FSTL5: variants seen among roughly 807,000 people sequenced by gnomAD.
The protein encoded by FSTL5 is follistatin like 5, also known as follistatin-related protein 5.
Under a neutral mutation model 89.1 loss-of-function variants are expected in FSTL5, and 62 were observed. The observed-to-expected ratio is 0.70, with a 90% CI of 0.57 to 0.86. FSTL5 has a LOEUF of 0.86. Ranked by LOEUF, FSTL5 falls within the 40% of genes least tolerant of loss-of-function variation. FSTL5 has a pLI of 0.00. For synonymous variants in FSTL5, 383 were observed against 346.2 expected (o/e 1.11, Z -1.18); for missense variants, 1,057 against 1,001.6 (o/e 1.06, Z -0.75).
intron 15 of FSTL5, among the ~76,000 whole-genome samples, chr4:161,427,108 AG>A (rs1284827288): frequency 5.3e-5 from 8 of 152,238 alleles, no homozygotes; most frequent in African/African-American, 1.9e-4. Flanking sequence ...TCATAATAGA[AG>A]GCAACTTTAC....
chr4:161,888,887 TCTTC>T (rs2110743596), intron 4 of FSTL5, among the ~76,000 whole-genome samples: 1 of 152,214 alleles, frequency 6.6e-6, no homozygotes, highest in African/African-American at 2.4e-5. Flanking sequence ...ACTCAGGATT[TCTTC>T]GTGAGTCATC....
chr4:162,140,819 G>A (rs1160864326), intron 1 of FSTL5, among the ~76,000 whole-genome samples: 4 of 152,122 alleles, frequency 2.6e-5, no homozygotes. Flanking sequence ...AGAATTGCTG[G>A]AGAATCTGAT....
chr4:161,609,358 C>A (rs1015427100), intron 7 of FSTL5, among the ~76,000 whole-genome samples: 2 of 151,984 alleles, frequency 1.3e-5, no homozygotes, highest in African/African-American at 4.8e-5. Flanking sequence ...TAAGTTTTGC[C>A]ATTTAGATTT....
chr4:161,571,010 G>A (rs548463261), intron 8 of FSTL5, among the ~76,000 whole-genome samples: 49 of 152,098 alleles, frequency 3.2e-4, no homozygotes, highest in African/African-American at 1.1e-3. Flanking sequence ...GCTACTACTC[G>A]GGAGGCTGAG....
chr4:161,730,780 G>A (rs1739580771), intron 6 of FSTL5, among the ~76,000 whole-genome samples: 1 of 152,138 alleles, frequency 6.6e-6, no homozygotes, highest in Non-Finnish European at 1.5e-5. Context: ...AATATTTAAA[G>A]CATAGAGATT....
intron 15 of FSTL5, among the ~76,000 whole-genome samples, chr4:161,409,159 G>C (rs567781380): frequency 9.9e-5 from 15 of 152,242 alleles, no homozygotes; most frequent in Admixed American, 2.0e-4. Flanking sequence ...AAGGCAGCTA[G>C]AGAGAAAGGC....
intron 7 of FSTL5, among the ~76,000 whole-genome samples, chr4:161,591,093 A>T (rs1394673361): frequency 6.6e-6 from 1 of 152,246 alleles, no homozygotes; most frequent in East Asian, 1.9e-4. Flanking sequence ...ATTATTTGAC[A>T]ATAAAAAGGA....
At chr4:161,575,359 T>G (rs1216093254) in intron 8 of FSTL5, among the ~76,000 whole-genome samples, 2 of 152,240 alleles carry the variant, frequency 1.3e-5, no homozygotes, top group African/African-American at 2.4e-5. Flanking sequence ...TAGATCTCTA[T>G]GTCAATTTTG....
chr4:161,698,268 T>C (rs1249824996), intron 6 of FSTL5, among the ~76,000 whole-genome samples: 3 of 152,100 alleles, frequency 2.0e-5, no homozygotes, highest in Non-Finnish European at 4.4e-5. Context: ...ATGTGAGAAA[T>C]AAATGTTTGT....
At chr4:161,956,749 C>T (rs552818765) in intron 3 of FSTL5, among the ~76,000 whole-genome samples, 9 of 151,854 alleles carry the variant, frequency 5.9e-5, no homozygotes, top group African/African-American at 1.2e-4. Context: ...AAAATATATA[C>T]GAAATAATGC....
chr4:161,791,341 C>T (rs1237465934), intron 4 of FSTL5, among the ~76,000 whole-genome samples: 3 of 152,120 alleles, frequency 2.0e-5, no homozygotes, highest in Non-Finnish European at 2.9e-5. Context: ...GTTTATTAGA[C>T]ATATTGGTAA....
intron 4 of FSTL5, among the ~76,000 whole-genome samples, chr4:161,799,303 G>A (rs1000426303): frequency 4.6e-5 from 7 of 151,648 alleles, no homozygotes; most frequent in African/African-American, 9.6e-5. Flanking sequence ...AGCACACCAC[G>A]GTAGTGATGA....
chr4:161,905,289 AT>A (rs1432809594), intron 4 of FSTL5, among the ~76,000 whole-genome samples: 1 of 152,166 alleles, frequency 6.6e-6, no homozygotes, highest in African/African-American at 2.4e-5. Context: ...TTGCTTAACC[AT>A]AGACTATATC....
At chr4:161,420,607 A>T (rs2126311040) in intron 15 of FSTL5, among the ~76,000 whole-genome samples, 1 of 151,966 alleles carries the variant, frequency 6.6e-6, no homozygotes, top group East Asian at 1.9e-4. Context: ...ATACCTGATA[A>T]TAAATCTCTT....
intron 10 of FSTL5, among the ~76,000 whole-genome samples, chr4:161,535,453 A>G (rs1224912080): frequency 6.6e-6 from 1 of 152,130 alleles, no homozygotes; most frequent in African/African-American, 2.4e-5. Flanking sequence ...AAGCCATACA[A>G]ATGGTCAGCA....
chr4:161,477,932 G>A (rs1729352428), intron 13 of FSTL5, among the ~76,000 whole-genome samples: 1 of 151,914 alleles, frequency 6.6e-6, no homozygotes. Flanking sequence ...AACTTAGCAG[G>A]AATGTATAGA....
chr4:161,569,766 C>G (rs767773282), intron 8 of FSTL5, among the ~76,000 whole-genome samples: 3 of 44,510 alleles, frequency 6.7e-5, no homozygotes, highest in Non-Finnish European at 1.7e-4. Flanking sequence ...CAAACACACA[C>G]ACACACACAC....
At chr4:161,555,705 G>A (rs544951426) in intron 8 of FSTL5, among the ~76,000 whole-genome samples, 1 of 151,664 alleles carries the variant, frequency 6.6e-6, no homozygotes, top group South Asian at 2.1e-4. Context: ...AGGATTAAAT[G>A]GACTAAAGGA....
chr4:161,974,204 A>G (rs1207231453), intron 3 of FSTL5, among the ~76,000 whole-genome samples: 1 of 152,200 alleles, frequency 6.6e-6, no homozygotes, highest in African/African-American at 2.4e-5. Context: ...TATAGATTCA[A>G]TGCCATCCCC....
Sources: gnomAD v4.1 joint callset for allele counts (sites outside exome capture counted in the v4.1 genomes callset) on GRCh38, gnomAD v4.1.1 for gene constraint, MANE v1.5 for transcripts, NCBI Gene and HGNC (gene_info 2026-07-23, HGNC 2026-07-21) for gene names.